The following ROBO1 variants were observed in gnomAD, a reference collection of about 807,000 sequenced individuals.
ROBO1 encodes roundabout guidance receptor 1.
ROBO1 carries 149 observed loss-of-function variants against 195.9 expected under a neutral mutation model. The ratio of observed to expected loss-of-function variants is 0.76; its 90% CI spans 0.67 to 0.87. The LOEUF is 0.87. Among genes scored for constraint, ROBO1 ranks in the 40% least tolerant of loss-of-function variants. ROBO1 has a pLI of 0.00. For synonymous variants in ROBO1, 816 were observed against 733.2 expected, an observed-to-expected ratio of 1.11 and a Z score of -1.82; for missense variants, 1,933 against 2,068.3, an observed-to-expected ratio of 0.93 and a Z score of 1.27.
intron 3 of ROBO1, among the ~76,000 whole-genome samples, chr3:79,073,685 C>G (rs1388282790): frequency 2.6e-5 from 4 of 151,728 alleles, no homozygotes; most frequent in Non-Finnish European, 1.5e-5. Flanking sequence ...AAAGATGGAA[C>G]AAATAATCTG....
intron 2 of ROBO1, among the ~76,000 whole-genome samples, chr3:79,419,212 G>A (rs2038124303): frequency 6.6e-6 from 1 of 152,150 alleles, no homozygotes; most frequent in African/African-American, 2.4e-5. Flanking sequence ...ACCAGCCACT[G>A]TAATAAATGG....
At chr3:79,113,085 G>T (rs764803131) in intron 3 of ROBO1, among the ~76,000 whole-genome samples, 16 of 152,124 alleles carry the variant, frequency 1.1e-4, no homozygotes, top group Admixed American at 3.3e-4. Context: ...CCAGGTGGTT[G>T]TGAAAAGGAC....
chr3:78,913,663 G>A (rs906825717), intron 4 of ROBO1, among the ~76,000 whole-genome samples: 3 of 152,002 alleles, frequency 2.0e-5, no homozygotes, highest in South Asian at 2.1e-4. Context: ...ACGGTGTTAC[G>A]TGTATTACTG....
chr3:79,647,098 G>A (rs949495261), intron 1 of ROBO1, among the ~76,000 whole-genome samples: 5 of 151,860 alleles, frequency 3.3e-5, no homozygotes, highest in Non-Finnish European at 4.4e-5. Context: ...AAATATTTAC[G>A]AATTATTTAA....
chr3:79,425,299 A>C (rs2038401770), intron 2 of ROBO1, among the ~76,000 whole-genome samples: 1 of 152,120 alleles, frequency 6.6e-6, no homozygotes, highest in Non-Finnish European at 1.5e-5. Flanking sequence ...TTGAACGGCA[A>C]TTTATTTCAA....
intron 2 of ROBO1, among the ~76,000 whole-genome samples, chr3:79,271,072 A>G (rs1309250087): frequency 6.6e-6 from 1 of 151,952 alleles, no homozygotes; most frequent in Non-Finnish European, 1.5e-5. Flanking sequence ...GTCATAGCCA[A>G]TTAACTGATC....
intron 2 of ROBO1, among the ~76,000 whole-genome samples, chr3:79,547,386 G>A (rs1942311147): frequency 6.6e-6 from 1 of 151,896 alleles, no homozygotes; most frequent in Non-Finnish European, 1.5e-5. Context: ...GGAGGAAAAT[G>A]AGAACTAAGA....
chr3:79,524,981 A>G (rs905425238), intron 2 of ROBO1, among the ~76,000 whole-genome samples: 1 of 152,006 alleles, frequency 6.6e-6, no homozygotes, highest in African/African-American at 2.4e-5. Flanking sequence ...ACAGAGAGCC[A>G]CAAAGACTAA....
chr3:79,181,925 C>CAAA (rs151309857), intron 2 of ROBO1, among the ~76,000 whole-genome samples: 5 of 87,634 alleles, frequency 5.7e-5, no homozygotes, highest in South Asian at 3.7e-4. Flanking sequence ...GATCTTGTGC[C>CAAA]AAAAAAAAAA....
At chr3:78,663,691 AG>A (rs1707566210) in intron 14 of ROBO1, among the ~76,000 whole-genome samples, 1 of 152,216 alleles carries the variant, frequency 6.6e-6, no homozygotes, top group African/African-American at 2.4e-5. Context: ...CTGTGGTAAA[AG>A]CTGTCTTGTG....
At chr3:79,704,993 G>T (rs1023784912) in intron 1 of ROBO1, among the ~76,000 whole-genome samples, 1 of 151,862 alleles carries the variant, frequency 6.6e-6, no homozygotes, top group Non-Finnish European at 1.5e-5. Context: ...CTTTGATAAG[G>T]TGTCTGTTGA....
In ROBO1 at chr3:78,659,757, C is replaced by T. The variant is rs771844581; in HGVS notation, c.2371G>A (p.Gly791Arg). The change falls in exon 17 of 31, where the codon GGA becomes AGA. Residue 791 changes from glycine to arginine, a missense_variant. By Grantham distance (125) the Gly-to-Arg change is moderately radical. Coordinates refer to ENST00000464233, the MANE Select transcript of ROBO1 (RefSeq NM_002941.4). The part of the protein sequence containing the change: ...GVTVSKNDGN[G>R]TAILVSWQPP... The stretch of plus-strand genomic sequence containing the variant: ...TGCCAACTAACTAGAATTGCAGTTC[C>T]GTTTCCATCATTCTTGGATACAGTT... 2.9e-5 allele frequency: 46 copies of T among 1,599,158 alleles called. No homozygotes were observed. Among genetic ancestry groups the T allele is most frequent in the Non-Finnish European group, 3.4e-5 (40 of 1,172,068 alleles).
intron 1 of ROBO1, among the ~76,000 whole-genome samples, chr3:79,676,365 G>A (rs765207067): frequency 1.3e-4 from 20 of 152,012 alleles, no homozygotes; most frequent in Non-Finnish European, 2.6e-4. Flanking sequence ...CACAGTCTTC[G>A]TGGGTCAGGA....
intron 3 of ROBO1, among the ~76,000 whole-genome samples, chr3:79,016,250 G>T (rs959228792): frequency 1.3e-5 from 2 of 152,176 alleles, no homozygotes; most frequent in African/African-American, 4.8e-5. Flanking sequence ...GGCCTCCCAA[G>T]TTCAGATTCA....
At chr3:79,566,008 G>C (rs1231022052) in intron 2 of ROBO1, among the ~76,000 whole-genome samples, 2 of 151,954 alleles carry the variant, frequency 1.3e-5, no homozygotes, top group African/African-American at 2.4e-5. Context: ...ATAACTATTG[G>C]ACTCAGAGCA....
In ROBO1 at chr3:79,603,348, T is replaced by C. The variant is rs542256491; in HGVS notation, c.-50-13387A>G. Reference sequence around the variant, plus strand: ...ACAAGCCAAGCCAATCACATCCTTCTGGAAGAACCAAGGGCATCTCACCCT... The same window carrying C: ...ACAAGCCAAGCCAATCACATCCTTCCGGAAGAACCAAGGGCATCTCACCCT... On this transcript the variant is annotated intron_variant, in intron 1 of 30. Transcript: ENST00000464233. 1.2e-4 allele frequency among the ~76,000 whole-genome samples: 19 copies of C among 152,080 alleles called. No homozygotes were observed. In the East Asian group the frequency reaches 3.3e-3, roughly 26 times the overall value.
chr3:79,654,171 T>C (rs1373990471), intron 1 of ROBO1, among the ~76,000 whole-genome samples: 4 of 152,032 alleles, frequency 2.6e-5, no homozygotes, highest in Non-Finnish European at 4.4e-5. Flanking sequence ...CCTGAGTTTA[T>C]GGATGTAACA....
At chr3:78,674,785 T>C (rs1275546465) in intron 10 of ROBO1, among the ~76,000 whole-genome samples, 1 of 152,184 alleles carries the variant, frequency 6.6e-6, no homozygotes, top group Non-Finnish European at 1.5e-5. Context: ...TTATAAAAAT[T>C]GGAGATATTT....
At chr3:79,176,624 A>T (rs1188578211) in intron 2 of ROBO1, among the ~76,000 whole-genome samples, 2 of 151,930 alleles carry the variant, frequency 1.3e-5, no homozygotes, top group African/African-American at 2.4e-5. Context: ...CATCTGGCTA[A>T]TTTTTCTATT....
Sources: gnomAD v4.1 joint callset for allele counts (sites outside exome capture counted in the v4.1 genomes callset) on GRCh38, gnomAD v4.1.1 for gene constraint, MANE v1.5 for transcripts, NCBI Gene and HGNC (gene_info 2026-07-23, HGNC 2026-07-21) for gene names.